The following LMO2 variants were observed in gnomAD, a reference collection of about 807,000 sequenced individuals.
LMO2 encodes the protein LIM domain only 2, also known as rhombotin-2.
Under a neutral mutation model 23.2 loss-of-function variants are expected in LMO2, and 20 were observed. The ratio of observed to expected loss-of-function variants is 0.86; its 90% CI spans 0.61 to 1.25. The LOEUF is 1.25. LMO2 is among the 50% of genes most tolerant of loss of function. The pLI is 0.00. For synonymous variants in LMO2, 123 were observed against 130.2 expected (o/e 0.94, Z 0.38); for missense variants, 270 against 315.3 (o/e 0.86, Z 1.09).
At chr11:33,868,057 A>C (rs1856850060) in intron 4 of LMO2, among the ~76,000 whole-genome samples, 1 of 152,218 alleles carries the variant, frequency 6.6e-6, no homozygotes, top group Non-Finnish European at 1.5e-5. Flanking sequence ...TGTTGAAGGA[A>C]GTGGGGGTTT....
intron 1 of LMO2, among the ~76,000 whole-genome samples, chr11:33,887,569 G>A (rs1408370429): frequency 6.9e-6 from 1 of 143,936 alleles, no homozygotes. Context: ...TTTTGAGACA[G>A]GGTCTTGCTC....
intron 1 of LMO2, among the ~76,000 whole-genome samples, chr11:33,890,211 T>C (rs28673629): frequency 4.6e-5 from 7 of 152,174 alleles, no homozygotes; most frequent in South Asian, 2.1e-4. Context: ...GTGATAGATA[T>C]CAATAGATAT....
At chr11:33,861,750 G>A (rs1006184694) in intron 5 of LMO2, among the ~76,000 whole-genome samples, 6 of 152,190 alleles carry the variant, frequency 3.9e-5, no homozygotes, top group Non-Finnish European at 7.3e-5. Context: ...TTATTAAAGG[G>A]AAGTCAGGGG....
chr11:33,873,738 A>G (rs1360817130), intron 2 of LMO2, among the ~76,000 whole-genome samples: 2 of 151,708 alleles, frequency 1.3e-5, no homozygotes, highest in African/African-American at 4.9e-5. Flanking sequence ...TCCTTCCTGA[A>G]TAAGAATGCT....
At chr11:33,885,162 T>A (rs1857376476) in intron 1 of LMO2, among the ~76,000 whole-genome samples, 1 of 152,088 alleles carries the variant, frequency 6.6e-6, no homozygotes, top group African/African-American at 2.4e-5. Context: ...AGTTTAGGTA[T>A]TTGGGACGTC....
rs1355134175 is a variant in LMO2, at chr11:33,880,948, G to A, written c.-272+876C>T. ...CCCTGACTTCTGGATAAACTTCTTT[G>A]CAGAAGCCCATTTGACTCCAAGGAC... is the stretch of plus-strand genomic sequence containing the variant. On this transcript the variant is annotated intron_variant, in intron 2 of 5. Transcript: ENST00000257818. The surrounding 1 kb of genome is among the most constrained non-coding windows in gnomAD (Gnocchi z 4.3). 1 of 343,542 alleles carries A rather than the reference G, an allele frequency of 2.9e-6. No individual in the cohort carries two copies. Among genetic ancestry groups the A allele is most frequent in the Non-Finnish European group, 5.7e-6 (1 of 174,692 alleles). 21.3% of individuals were successfully genotyped at this position (343,542 alleles called of 1,614,324 possible). A position where few individuals can be genotyped will look rare whatever the true frequency, so the allele number is the denominator to read the frequency against.
At chr11:33,877,804 A>G (rs1359154336) in intron 2 of LMO2, among the ~76,000 whole-genome samples, 1 of 151,900 alleles carries the variant, frequency 6.6e-6, no homozygotes, top group Non-Finnish European at 1.5e-5. Context: ...AGCAGGAAGG[A>G]GTAGAGCTGG....
chr11:33,884,225 G>A (rs557139152), intron 1 of LMO2, among the ~76,000 whole-genome samples: 11 of 152,272 alleles, frequency 7.2e-5, no homozygotes, highest in Admixed American at 1.3e-4. Flanking sequence ...GGGGACCTAC[G>A]TAGATATAGG....
In LMO2 at chr11:33,859,234, A is replaced by G; in HGVS notation, c.*122T>C. 4.5e-6 allele frequency: 3 copies of G among 670,826 alleles called. No homozygotes were observed. In the South Asian group the frequency reaches 5.5e-5, roughly 12 times the overall value. The allele number at this position is 670,826 out of a possible 1,614,324, so 41.6% of individuals were successfully genotyped here. ...TCTTGATACCCAATAAAGGTCTACC[A>G]TCCCCTAAGAAATCCCTTACCCCAC... On this transcript the variant is annotated 3_prime_UTR_variant, in exon 6 of 6. Coordinates refer to ENST00000257818, the MANE Select transcript of LMO2 (RefSeq NM_005574.4).
In LMO2 at chr11:33,864,791, A is replaced by T; in HGVS notation, c.275T>A (p.Ile92Asn). 2 of 1,613,674 alleles carry T rather than the reference A, an allele frequency of 1.2e-6. No individual in the cohort carries two copies. The highest frequency in any genetic ancestry group is 1.7e-6 in the Non-Finnish European group (2 of 1,179,992). The change falls in exon 5 of 6, where the codon ATC becomes AAC. Residue 92 changes from isoleucine to asparagine, a missense_variant. Physicochemically the swap from Ile to Asn is moderately radical, Grantham distance 149 (BLOSUM62 -3). Transcript: ENST00000257818. The surrounding 1 kb of genome is among the most constrained non-coding windows in gnomAD (Gnocchi z 4.8). Reference sequence around the variant, plus strand: ...GCCGCATGTCAGCAGGGATGGGGGGATCTGCAGCACCTCATCCACTGGTTC... The same window carrying T: ...GCCGCATGTCAGCAGGGATGGGGGGTTCTGCAGCACCTCATCCACTGGTTC... ...SEEPVDEVLQ[I>N]PPSLLTCGGC...
chr11:33,859,878 G>A (rs1418856725), intron 5 of LMO2, among the ~76,000 whole-genome samples: 3 of 152,138 alleles, frequency 2.0e-5, no homozygotes, highest in Non-Finnish European at 4.4e-5. Flanking sequence ...AAGGCTCTCA[G>A]CTGATGTGAT....
chr11:33,889,114 G>A (rs1857483173), intron 1 of LMO2, among the ~76,000 whole-genome samples: 1 of 152,200 alleles, frequency 6.6e-6, no homozygotes, highest in Non-Finnish European at 1.5e-5. Flanking sequence ...TGGGTAATAG[G>A]GGAAAGATGA....
chr11:33,866,297 C>T (rs1231169726), intron 4 of LMO2, among the ~76,000 whole-genome samples: 1 of 152,188 alleles, frequency 6.6e-6, no homozygotes, highest in Non-Finnish European at 1.5e-5. Context: ...ATGAGACTAT[C>T]ATCTTTGGAA....
At chr11:33,874,447 A>G (rs1357086254) in intron 2 of LMO2, among the ~76,000 whole-genome samples, 2 of 152,240 alleles carry the variant, frequency 1.3e-5, no homozygotes, top group African/African-American at 2.4e-5. Context: ...CACCAGGGCC[A>G]GAACTAGGAT....
chr11:33,863,767 A>C (rs781502538), intron 5 of LMO2, among the ~76,000 whole-genome samples: 4 of 152,234 alleles, frequency 2.6e-5, no homozygotes, highest in Non-Finnish European at 5.9e-5. Flanking sequence ...CTCCTGTCTT[A>C]CTTGGTGTTG....
chr11:33,859,550 C>T lies in LMO2; in HGVS notation c.490G>A (p.Ala164Thr), dbSNP rs1194594724. The T allele has an allele frequency of 3.7e-6, 6 of 1,613,946 alleles. No individual in the cohort carries two copies. Among genetic ancestry groups the T allele is most frequent in the Middle Eastern group, 1.7e-4 (1 of 6,042 alleles). Residue 164 changes from alanine to threonine, a missense_variant, in exon 6 of 6, where the codon GCA (alanine) becomes ACA (threonine). Transcript: ENST00000257818. The stretch of plus-strand genomic sequence containing the variant: ...GCACGAATCCGCTTGTCACAGGATG[C>T]GCAGAGACCGTCTTGCCCAAAAAGC... ...LRLFGQDGLC[A>T]SCDKRIRAYE...
intron 1 of LMO2, among the ~76,000 whole-genome samples, chr11:33,887,360 A>G (rs996025693): frequency 2.0e-5 from 3 of 152,064 alleles, no homozygotes; most frequent in Admixed American, 6.6e-5. Flanking sequence ...ATTACCGTCA[A>G]TTTTCCATCA....
chr11:33,881,064 C>A (rs1203621956), intron 2 of LMO2: 2 of 398,176 alleles, frequency 5.0e-6, no homozygotes, highest in Non-Finnish European at 9.9e-6. Flanking sequence ...GTCTGAGAAT[C>A]CCATACTTAG....
chr11:33,870,170 C>G (rs892168684), intron 2 of LMO2, 183 bp from the exon 3 acceptor site: 10 of 284,606 alleles, frequency 3.5e-5, no homozygotes, highest in Non-Finnish European at 5.3e-5. Context: ...GTGTCGGGGA[C>G]GGGGAGAGCC....
Sources: gnomAD v4.1 joint callset for allele counts (sites outside exome capture counted in the v4.1 genomes callset) on GRCh38, gnomAD v4.1.1 for gene constraint, Gnocchi (gnomAD v3.1) non-coding constraint, MANE v1.5 for transcripts, NCBI Gene and HGNC (gene_info 2026-07-23, HGNC 2026-07-21) for gene names.